The following FLT4 variants were observed in gnomAD, a reference collection of about 807,000 sequenced individuals.
FLT4 encodes the protein vascular endothelial growth factor receptor 3.
A neutral mutation model predicts 163.2 loss-of-function variants in FLT4; 30 were observed. That is an observed-to-expected ratio of 0.18 (90% confidence interval 0.14 to 0.25). The LOEUF is 0.25. Among genes scored for constraint, FLT4 ranks in the 10% least tolerant of loss-of-function variants. FLT4 has a pLI of 1.00. For missense variants in FLT4, 1,510 were observed against 1,863.8 expected (o/e 0.81, Z 3.50); for synonymous variants, 884 against 789.5 (o/e 1.12, Z -2.01).
At chr5:180,624,188 C>A in intron 10 of FLT4, 127 bp from the exon 11 acceptor site, 1 of 1,107,826 alleles carries the variant, frequency 9.0e-7, no homozygotes, top group Non-Finnish European at 1.3e-6. Context: ...GAGGCTGGCC[C>A]TCGGGCCTGG....
rs1453711404 is a variant in FLT4 at position 180,631,669 on chromosome 5, A to G, written c.155+13T>C. On this transcript the variant is annotated intron_variant, in intron 2 of 29. Transcript: ENST00000261937. ...AGCCTCTCTGGCCTGCCAGTGGGAG[A>G]GGGACCCAGTACCTGCAGGAGATGG... is the stretch of plus-strand genomic sequence containing the variant. 1.9e-6 allele frequency: 3 copies of G among 1,597,228 alleles called. No homozygotes were observed. The highest frequency in any genetic ancestry group is 1.1e-5 in the South Asian group (1 of 90,868).
In FLT4 at chr5:180,622,848, G is replaced by A; in HGVS notation, c.1549-9C>T. 1.9e-6 allele frequency: 3 copies of A among 1,589,392 alleles called. No individual in the cohort carries two copies. Among genetic ancestry groups the A allele is most frequent in the Non-Finnish European group, 2.6e-6 (3 of 1,158,204 alleles). The stretch of plus-strand genomic sequence containing the variant: ...ACCAGCTTGCTCACAGTCTGGGAGA[G>A]CACAGGCACAAGGATCCATTTCCTG... On this transcript the variant is annotated splice_polypyrimidine_tract_variant and intron_variant, in intron 11 of 29. Transcript: ENST00000261937.
intron 29 of FLT4, chr5:180,608,255 T>C (rs1761913951): frequency 1.4e-6 from 1 of 700,880 alleles, no homozygotes; most frequent in East Asian, 2.7e-5. Flanking sequence ...TGCTGACGTA[T>C]GCTGCCTTCT....
At chr5:180,616,344 T>C (rs775210842) in intron 23 of FLT4, 23 bp downstream of exon 23, 6 of 1,613,644 alleles carry the variant, frequency 3.7e-6, no homozygotes, top group Non-Finnish European at 4.2e-6. Context: ...CCACGTTCCC[T>C]CTCCTCAATG....
At position 180,602,441 on chromosome 5, in the gene FLT4, G is replaced by T; in HGVS notation, c.*751C>A. 2.6e-6 allele frequency: 1 copy of T among 391,692 alleles called. No homozygotes were observed. The highest frequency in any genetic ancestry group is 4.5e-6 in the Non-Finnish European group (1 of 221,950). 24.3% of individuals were successfully genotyped at this position (391,692 alleles called of 1,614,324 possible). On this transcript the variant is annotated 3_prime_UTR_variant, in exon 30 of 30. Transcript: ENST00000261937. Reference sequence around the variant, plus strand: ...AGACTCAGTACAGCTGTCCCTGGGCGCCTTCCAGGCTGAATTCGGAAAGCA... The same window carrying T: ...AGACTCAGTACAGCTGTCCCTGGGCTCCTTCCAGGCTGAATTCGGAAAGCA...
At chr5:180,624,189 T>G in intron 10 of FLT4, 128 bp from the exon 11 acceptor site, 1 of 1,071,166 alleles carries the variant, frequency 9.3e-7, no homozygotes, top group African/African-American at 1.6e-5. Flanking sequence ...AGGCTGGCCC[T>G]CGGGCCTGGG....
intron 18 of FLT4, 57 bp from the exon 19 acceptor site, chr5:180,619,423 C>CCACTGGCCGCTTAGCTAAGGCA (rs773069425): frequency 4.7e-6 from 5 of 1,072,980 alleles, no homozygotes; most frequent in Non-Finnish European, 5.2e-6. Flanking sequence ...CCGTTCCCCG[C>CCACTGGCCGCTTAGCTAAGGCA]CACCCGGCGC....
intron 1 of FLT4, among the ~76,000 whole-genome samples, chr5:180,635,970 TGGATGAATGGGTGGGTGGAA>T (rs1212920665): frequency 7.0e-6 from 1 of 143,684 alleles, no homozygotes; most frequent in Non-Finnish European, 1.5e-5. Context: ...GGTGGGTGGA[TGGATGAATGGGTGGGTGGAA>T]GGATGAATGG....
chr5:180,622,758 C>T lies in FLT4; in HGVS notation c.1630G>A (p.Glu544Lys). The T allele has an allele frequency of 1.2e-6, 2 of 1,612,618 alleles. No individual in the cohort carries two copies. Among genetic ancestry groups the T allele is most frequent in the Non-Finnish European group, 1.7e-6 (2 of 1,179,032 alleles). ...GTCACATAGAAGTAGATGAGCCGCT[C>T]ATCCTGGCCCACCTTGTTGGAGACC... ...CVVSNKVGQD[E>K]RLIYFYVTTI... Residue 544 changes from glutamate (E) to lysine (K), a missense_variant, in exon 12 of 30, where the codon GAG (glutamate) becomes AAG (lysine). Physicochemically the swap from Glu to Lys is moderately conservative, Grantham distance 56. Coordinates refer to ENST00000261937, the MANE Select transcript of FLT4 (RefSeq NM_182925.5).
rs1763970353 is a variant in FLT4 at position 180,630,094 on chromosome 5, C to T, written c.525G>A (p.Val175=). ...CCACCTCCTGCCCGTCTGGCCACAG[C>T]ACCGAGCTTTGCTGGAGGGACAAGG... ...LNVTLRSQSS[V]LWPDGQEVVW... Residue 175 remains valine, a synonymous_variant, in exon 5 of 30, where the codon GTG becomes GTA. Transcript: ENST00000261937. The surrounding 1 kb of genome is among the most constrained non-coding windows in gnomAD (Gnocchi z 6.3). 3 of 1,612,782 alleles carry T rather than the reference C, an allele frequency of 1.9e-6. No individual in the cohort carries two copies. Among genetic ancestry groups the T allele is most frequent in the Non-Finnish European group, 2.5e-6 (3 of 1,180,006 alleles).
At chr5:180,615,145 G>A (rs569659483) in intron 23 of FLT4, among the ~76,000 whole-genome samples, 4 of 146,304 alleles carry the variant, frequency 2.7e-5, no homozygotes, top group Admixed American at 2.0e-4. Context: ...GGAGCACTGC[G>A]GCCCCGCTGG....
At chr5:180,626,579 G>A (rs1157482346) in intron 8 of FLT4, among the ~76,000 whole-genome samples, 2 of 152,200 alleles carry the variant, frequency 1.3e-5, no homozygotes, top group Non-Finnish European at 2.9e-5. Context: ...TCACTGCTGG[G>A]GCAGCCGCCT....
intron 27 of FLT4, 150 bp downstream of exon 27, chr5:180,611,181 G>A (rs1581615779): frequency 8.3e-6 from 8 of 964,806 alleles, no homozygotes; most frequent in East Asian, 2.4e-5. Context: ...CCTGCAGTGG[G>A]TCATTTAAAG....
At chr5:180,644,200 T>C (rs1765349155) in intron 1 of FLT4, among the ~76,000 whole-genome samples, 1 of 152,174 alleles carries the variant, frequency 6.6e-6, no homozygotes, top group Non-Finnish European at 1.5e-5. Context: ...TAGCCAGCAA[T>C]TTACCCATGG....
chr5:180,631,924 C>G (rs1029239952), intron 1 of FLT4, 146 bp from the exon 2 acceptor site: 16 of 123,234 alleles, frequency 1.3e-4, no homozygotes, highest in Non-Finnish European at 2.4e-4. Flanking sequence ...CGTGGCCTGG[C>G]CTCACCATGT....
Position 180,618,792 on chromosome 5 carries a change from C to G in FLT4, c.2979G>C (p.Arg993Ser), listed in dbSNP as rs1466474507. ...ARFSKTEGGA[R>S]RASPDQEAED... Reference sequence around the variant, plus strand: ...CACCTTCTTGGTCTGGAGAAGCCCGCCTCGCTCCGCCCTCGGTCTTCGAGA... The same window carrying G: ...CACCTTCTTGGTCTGGAGAAGCCCGGCTCGCTCCGCCCTCGGTCTTCGAGA... Residue 993 changes from arginine (R) to serine (S), a missense_variant, in exon 21 of 30, where the codon AGG (arginine) becomes AGC (serine). By Grantham distance (110) the Arg-to-Ser change is moderately radical (BLOSUM62 -1). Coordinates refer to ENST00000261937, the MANE Select transcript of FLT4 (RefSeq NM_182925.5). 3.8e-6 allele frequency: 6 copies of G among 1,589,040 alleles called. No homozygotes were observed. The highest frequency in any genetic ancestry group is 5.1e-6 in the Non-Finnish European group (6 of 1,168,388).
intron 6 of FLT4, 103 bp from the exon 7 acceptor site, chr5:180,629,530 C>G: frequency 6.6e-7 from 1 of 1,512,966 alleles, no homozygotes; most frequent in South Asian, 1.1e-5. Context: ...TCCGGAAGCC[C>G]TGGACCCAGG....
rs370683369 is a variant in FLT4 at position 180,643,225 on chromosome 5, T to A, written c.58+6263A>T. Among the ~76,000 whole-genome samples the A allele has an allele frequency of 8.5e-4, 129 of 152,314 alleles. 1 individual carries two copies. Among genetic ancestry groups the A allele is most frequent in the African/African-American group, 3.0e-3 (123 of 41,584 alleles). On this transcript the variant is annotated intron_variant, in intron 1 of 29. Coordinates refer to ENST00000261937, the MANE Select transcript of FLT4 (RefSeq NM_182925.5). ...CACCAGACATTCCTGACCCCGCTCA[T>A]CCCCCACAGCCAATCGGTCACCAAG...
At chr5:180,617,050 C>T (rs1581635598) in intron 21 of FLT4, 56 bp from the exon 22 acceptor site, 2 of 1,290,128 alleles carry the variant, frequency 1.6e-6, no homozygotes, top group Non-Finnish European at 2.3e-6. Context: ...CCTCCATCTA[C>T]CCAGCCCCAG....
Sources: gnomAD v4.1 joint callset for allele counts (sites outside exome capture counted in the v4.1 genomes callset) on GRCh38, gnomAD v4.1.1 for gene constraint, Gnocchi (gnomAD v3.1) non-coding constraint, MANE v1.5 for transcripts, NCBI Gene and HGNC (gene_info 2026-07-23, HGNC 2026-07-21) for gene names.